FUBP1: variants seen among roughly 807,000 people sequenced by gnomAD.
The protein encoded by FUBP1 is far upstream element binding protein 1, also known as far upstream element-binding protein 1.
In FUBP1, 16 loss-of-function variants were observed where a neutral mutation model predicts 94.9. The ratio of observed to expected loss-of-function variants is 0.17; its 90% CI spans 0.11 to 0.26. The LOEUF (loss-of-function observed/expected upper bound fraction) is 0.26, where lower values mean the gene tolerates loss of function less well. FUBP1 is among the 10% of genes least tolerant of loss of function. The pLI, the probability that FUBP1 is intolerant of heterozygous loss-of-function variation, is 1.00. For synonymous variants in FUBP1, 279 were observed against 254.9 expected (o/e 1.09, Z -0.90); for missense variants, 583 against 808.6 (o/e 0.72, Z 3.38).
In FUBP1 at chr1:77,960,462, G is replaced by A; in HGVS notation, c.1378C>T (p.His460Tyr). The stretch of plus-strand genomic sequence containing the variant: ...GGGCCTGGGACACCATGGGGCCCAT[G>A]GGGTACAGGTGGCCCTAAAGGATTT... ...PVNPLGPPVPHGPHGVPGPHG... is the reference protein window; with the variant it reads ...PVNPLGPPVPYGPHGVPGPHG... The change falls in exon 15 of 20, where the codon CAT (histidine) becomes TAT (tyrosine). Residue 460 changes from histidine to tyrosine, a missense_variant. Coordinates refer to ENST00000370768, the MANE Select transcript of FUBP1 (RefSeq NM_003902.5). 6.3e-7 allele frequency: 1 copy of A among 1,595,266 alleles called. No homozygotes were observed. The highest frequency in any genetic ancestry group is 8.5e-7 in the Non-Finnish European group (1 of 1,175,398).
chr1:77,960,970 T>C (rs1172917909), intron 14 of FUBP1, among the ~76,000 whole-genome samples: 2 of 152,222 alleles, frequency 1.3e-5, no homozygotes, highest in Non-Finnish European at 2.9e-5. Flanking sequence ...ATAACGTTAA[T>C]AGCTAGTTGT....
chr1:77,947,855 T>G lies in FUBP1; in HGVS notation c.*911A>C, dbSNP rs766238694. 1.6e-4 allele frequency: 179 copies of G among 1,117,384 alleles called. No homozygotes were observed. The highest frequency in any genetic ancestry group is 1.9e-4 in the Non-Finnish European group (175 of 898,584). The allele number at this position is 1,117,384 out of a possible 1,614,324, so 69.2% of individuals were successfully genotyped here. A position where few individuals can be genotyped will look rare whatever the true frequency, so the allele number is the denominator to read the frequency against. ...GGCAGATGCAATGTAGCTATACTTT[T>G]TGCACACTATTCACTTTTCTATCCT... On this transcript the variant is annotated 3_prime_UTR_variant, in exon 20 of 20. Coordinates refer to ENST00000370768, the MANE Select transcript of FUBP1 (RefSeq NM_003902.5).
chr1:77,948,788 A>G lies in FUBP1; in HGVS notation c.1927-14T>C. ...TTATTATTGGCCCTGTGCAGAAGAGATACATAAGAAATACACAAAAAGTTA... is the reference window on the plus strand; with the variant it reads ...TTATTATTGGCCCTGTGCAGAAGAGGTACATAAGAAATACACAAAAAGTTA... On this transcript the variant is annotated splice_polypyrimidine_tract_variant and intron_variant, in intron 19 of 19. Coordinates refer to ENST00000370768, the MANE Select transcript of FUBP1 (RefSeq NM_003902.5). The G allele has an allele frequency of 6.2e-7, 1 of 1,606,910 alleles. No homozygotes were observed. The highest frequency in any genetic ancestry group is 8.5e-7 in the Non-Finnish European group (1 of 1,173,652).
Position 77,966,934 on chromosome 1 carries a change from T to C in FUBP1, c.365A>G (p.Gln122Arg). ...VGFIIGRGGE[Q>R]ISRIQQESGC... ...AGATTCCTGTTGTATGCGTGAGATC[T>C]GTTCACCTCCTCTGCCAATTACTAG... Residue 122 changes from glutamine (Q) to arginine (R), a missense_variant, in exon 6 of 20, where the codon CAG becomes CGG. Physicochemically the swap from Gln to Arg is conservative, Grantham distance 43. Transcript: ENST00000370768. 6.2e-7 allele frequency: 1 copy of C among 1,605,664 alleles called. No homozygotes were observed. Among genetic ancestry groups the C allele is most frequent in the Non-Finnish European group, 8.5e-7 (1 of 1,172,768 alleles).
rs1656061930 is a variant in FUBP1 at position 77,964,240 on chromosome 1, T to C, written c.940+14A>G. The C allele has an allele frequency of 6.4e-7, 1 of 1,566,228 alleles. No individual in the cohort carries two copies. The highest frequency in any genetic ancestry group is 1.3e-5 in the African/African-American group (1 of 74,118). ...ACTGCTGCCAACACTTACAAGATTA[T>C]TATATGTACTCACCTGGCTTAAACT... On this transcript the variant is annotated intron_variant, in intron 11 of 19. Coordinates refer to ENST00000370768, the MANE Select transcript of FUBP1 (RefSeq NM_003902.5).
chr1:77,953,438 C>T (rs772927512), intron 18 of FUBP1, among the ~76,000 whole-genome samples: 15 of 152,094 alleles, frequency 9.9e-5, no homozygotes, highest in Non-Finnish European at 1.9e-4. Flanking sequence ...TTGCAGTGAG[C>T]TGAGATTGCG....
chr1:77,964,146 G>A lies in FUBP1; in HGVS notation c.957C>T (p.Pro319=), dbSNP rs112997035. 131 of 1,606,094 alleles carry A rather than the reference G, an allele frequency of 8.2e-5. 1 individual carries two copies. Among genetic ancestry groups the A allele is most frequent in the South Asian group, 8.8e-5 (8 of 90,940 alleles). ...IQFKPDDGTT[P]ERIAQITGPP... ...GTCCTGTTATTTGTGCTATCCTTTC[G>A]GGTGTTGTCCCATCATCTTCAAAAC... The change falls in exon 12 of 20, where the codon CCC becomes CCT. Residue 319 remains proline (P), a synonymous_variant. Coordinates refer to ENST00000370768, the MANE Select transcript of FUBP1 (RefSeq NM_003902.5).
At chr1:77,957,002 A>T (rs978591863) in intron 16 of FUBP1, among the ~76,000 whole-genome samples, 2 of 152,162 alleles carry the variant, frequency 1.3e-5, no homozygotes, top group Non-Finnish European at 2.9e-5. Context: ...GTCTCAAACC[A>T]TCCTGTGCCC....
chr1:77,963,263 T>C (rs1655851829), intron 13 of FUBP1, among the ~76,000 whole-genome samples: 1 of 152,188 alleles, frequency 6.6e-6, no homozygotes, highest in Non-Finnish European at 1.5e-5. Context: ...TTTTAAAATA[T>C]GAGTCGGGAA....
intron 2 of FUBP1, 127 bp from the exon 3 acceptor site, chr1:77,968,330 A>C: frequency 1.6e-6 from 1 of 624,902 alleles, no homozygotes; most frequent in Non-Finnish European, 2.7e-6. Flanking sequence ...CATTTGAACC[A>C]AAACTGCCAA....
At chr1:77,978,578 C>T (rs1029492094) in intron 1 of FUBP1, among the ~76,000 whole-genome samples, 1 of 152,210 alleles carries the variant, frequency 6.6e-6, no homozygotes. Context: ...GCGCTTTATC[C>T]CCTGGAAGAG....
intron 19 of FUBP1, 150 bp downstream of exon 19, chr1:77,949,004 AC>A: frequency 1.1e-6 from 1 of 943,464 alleles, no homozygotes; most frequent in East Asian, 2.6e-5. Flanking sequence ...AAACAAAAAA[AC>A]CCAAACAATA....
chr1:77,964,541 G>T (rs1656116415), intron 10 of FUBP1, 105 bp downstream of exon 10: 1 of 740,128 alleles, frequency 1.4e-6, no homozygotes, highest in South Asian at 1.7e-5. Flanking sequence ...GTATAAAGGT[G>T]AAATAAAAGG....
Position 77,964,977 on chromosome 1 carries a change from A to G in FUBP1, c.637-9T>C. 3 of 1,605,168 alleles carry G rather than the reference A, an allele frequency of 1.9e-6. No individual in the cohort carries two copies. The highest frequency in any genetic ancestry group is 2.2e-5 in the East Asian group (1 of 44,832). On this transcript the variant is annotated splice_polypyrimidine_tract_variant and intron_variant, in intron 8 of 19. Coordinates refer to ENST00000370768, the MANE Select transcript of FUBP1 (RefSeq NM_003902.5). ...TTAACTCCAGCCCGTTCCTGTTACA[A>G]TCATAGAAATAATATATATTAACAA...
chr1:77,964,783 G>A (rs998577169), intron 9 of FUBP1, 36 bp from the exon 10 acceptor site: 2 of 1,516,498 alleles, frequency 1.3e-6, no homozygotes, highest in South Asian at 1.1e-5. Flanking sequence ...TAGAAAGCAT[G>A]TCTCAAAACA....
At chr1:77,974,592 ATAGT>A (rs1311532020) in intron 1 of FUBP1, among the ~76,000 whole-genome samples, 1 of 152,210 alleles carries the variant, frequency 6.6e-6, no homozygotes, top group Non-Finnish European at 1.5e-5. Flanking sequence ...AGACAACGTC[ATAGT>A]TAAAGTGTTA....
intron 14 of FUBP1, among the ~76,000 whole-genome samples, chr1:77,961,444 T>C (rs1274298361): frequency 2.6e-5 from 4 of 152,330 alleles, no homozygotes; most frequent in South Asian, 4.1e-4. Flanking sequence ...AAAATAATAC[T>C]GAAAAAGTAG....
In FUBP1 at chr1:77,964,338, C is replaced by T. The variant is rs1204868952; in HGVS notation, c.856G>A (p.Ala286Thr). ...EGIDVPIPRF[A>T]VGIVIGRNGE... ...TTTCTTCCTATTACAATGCCAACAG[C>T]AAATCTTGGAATGGGGACCTTATGT... Residue 286 changes from alanine to threonine, a missense_variant, in exon 11 of 20, where the codon GCT (alanine) becomes ACT (threonine). By Grantham distance (58) the Ala-to-Thr change is moderately conservative. Coordinates refer to ENST00000370768, the MANE Select transcript of FUBP1 (RefSeq NM_003902.5). 1 of 1,594,832 alleles carries T rather than the reference C, an allele frequency of 6.3e-7. No individual in the cohort carries two copies. Among genetic ancestry groups the T allele is most frequent in the East Asian group, 2.2e-5 (1 of 44,784 alleles).
chr1:77,976,312 T>A (rs1478368804), intron 1 of FUBP1, among the ~76,000 whole-genome samples: 1 of 152,186 alleles, frequency 6.6e-6, no homozygotes, highest in African/African-American at 2.4e-5. Flanking sequence ...TAATGGGTAA[T>A]TCCAGGCAAA....
Sources: gnomAD v4.1 joint callset for allele counts (sites outside exome capture counted in the v4.1 genomes callset) on GRCh38, gnomAD v4.1.1 for gene constraint, MANE v1.5 for transcripts, NCBI Gene and HGNC (gene_info 2026-07-23, HGNC 2026-07-21) for gene names.